DNAH3: variants seen among roughly 807,000 people sequenced by gnomAD.
DNAH3 encodes dynein axonemal heavy chain 3.
A neutral mutation model predicts 432.5 loss-of-function variants in DNAH3; 332 were observed. That is an observed-to-expected ratio of 0.77 (90% CI 0.70 to 0.84). DNAH3 has a LOEUF of 0.84. Ranked by LOEUF, DNAH3 falls within the 40% of genes least tolerant of loss-of-function variation. DNAH3 has a pLI of 0.00. For synonymous variants in DNAH3, 1,956 were observed against 1,900.2 expected (o/e 1.03, Z -0.76); for missense variants, 4,861 against 5,114.0 (o/e 0.95, Z 1.51).
intron 1 of DNAH3, chr16:21,158,439 G>A (rs2092914437): frequency 6.6e-6 from 1 of 152,446 alleles, no homozygotes; most frequent in African/African-American, 2.4e-5. Context: ...GACACTCTCT[G>A]AGCCTCAGTT....
chr16:20,985,766 G>A, intron 47 of DNAH3, 51 bp from the exon 48 acceptor site: 1 of 1,572,360 alleles, frequency 6.4e-7, no homozygotes, highest in Non-Finnish European at 8.7e-7. Context: ...GCCCAGCCAG[G>A]CTGGTAGGGA....
intron 43 of DNAH3, among the ~76,000 whole-genome samples, chr16:20,998,779 A>T (rs558565533): frequency 2.8e-5 from 4 of 142,526 alleles, no homozygotes; most frequent in South Asian, 4.7e-4. Flanking sequence ...GGGCTCCTTT[A>T]GTTTTTCTTC....
exon 7 of DNAH3, chr16:21,134,377 C>T (rs1002186850): frequency 1.6e-5 from 26 of 1,614,116 alleles, no homozygotes; most frequent in Non-Finnish European, 1.9e-5. Flanking sequence ...GCCCGGATCA[C>T]TCTTTGAGGA....
At chr16:21,151,741 T>A (rs2092854900) in intron 1 of DNAH3, among the ~76,000 whole-genome samples, 1 of 152,136 alleles carries the variant, frequency 6.6e-6, no homozygotes, top group Non-Finnish European at 1.5e-5. Context: ...CAGAAATACA[T>A]GTGCACATAC....
exon 37 of DNAH3, chr16:21,031,055 T>C (rs2088842924): frequency 6.2e-7 from 1 of 1,614,178 alleles, no homozygotes; most frequent in East Asian, 2.2e-5. Flanking sequence ...CTTTTTATTG[T>C]CATCCAGAAC....
intron 59 of DNAH3, among the ~76,000 whole-genome samples, chr16:20,939,542 G>A (rs562340945): frequency 2.0e-5 from 3 of 151,872 alleles, no homozygotes; most frequent in African/African-American, 4.8e-5. Flanking sequence ...AACCTGGGAG[G>A]TGGAGGTCGC....
At chr16:20,979,376 T>C in exon 50 of DNAH3, 1 of 1,614,128 alleles carries the variant, frequency 6.2e-7, no homozygotes, top group Non-Finnish European at 8.5e-7. Flanking sequence ...CAGGTAGCGG[T>C]TCCTCATCAT....
chr16:21,117,612 C>T (rs79699169), intron 11 of DNAH3, among the ~76,000 whole-genome samples: 5,540 of 152,254 alleles, frequency 0.036, 345 homozygotes, highest in African/African-American at 0.12. Context: ...CGCCCCACAA[C>T]GCTCCAGTGG....
intron 1 of DNAH3, among the ~76,000 whole-genome samples, chr16:21,153,085 C>A (rs968663249): frequency 2.0e-5 from 3 of 152,212 alleles, no homozygotes; most frequent in Non-Finnish European, 4.4e-5. Flanking sequence ...ACGTGGAGAA[C>A]CTTTATGGCT....
intron 59 of DNAH3, among the ~76,000 whole-genome samples, chr16:20,939,674 T>G (rs992805777): frequency 6.7e-6 from 1 of 149,892 alleles, no homozygotes; most frequent in Admixed American, 6.6e-5. Flanking sequence ...CAAATAACAC[T>G]CCTCCAGTCC....
chr16:20,985,598 G>A (rs1567584971), exon 48 of DNAH3: 1 of 1,614,194 alleles, frequency 6.2e-7, no homozygotes, highest in Non-Finnish European at 8.5e-7. Flanking sequence ...AGCTGTTTCA[G>A]GTCAGTGATC....
intron 39 of DNAH3, among the ~76,000 whole-genome samples, chr16:21,022,573 C>T (rs1260270015): frequency 6.6e-6 from 1 of 152,092 alleles, no homozygotes; most frequent in African/African-American, 2.4e-5. Flanking sequence ...TAATTTACCA[C>T]ACGTATGGGT....
chr16:21,123,200 TG>T (rs1294465338), intron 9 of DNAH3, among the ~76,000 whole-genome samples: 7 of 151,738 alleles, frequency 4.6e-5, no homozygotes, highest in African/African-American at 1.7e-4. Context: ...ATGTCAACCT[TG>T]CTACAACAGA....
chr16:20,936,179 G>A (rs1596852000), intron 60 of DNAH3, among the ~76,000 whole-genome samples: 1 of 151,126 alleles, frequency 6.6e-6, no homozygotes, highest in East Asian at 1.9e-4. Flanking sequence ...TTTAGACGGA[G>A]TCTTGCTCTG....
At chr16:20,945,671 T>C (rs2084013800) in intron 57 of DNAH3, among the ~76,000 whole-genome samples, 1 of 152,152 alleles carries the variant, frequency 6.6e-6, no homozygotes, top group Non-Finnish European at 1.5e-5. Context: ...TTTGTATTTT[T>C]AGTAGCGACG....
At chr16:21,027,798 G>C (rs1173726783) in intron 37 of DNAH3, among the ~76,000 whole-genome samples, 1 of 152,230 alleles carries the variant, frequency 6.6e-6, no homozygotes, top group Non-Finnish European at 1.5e-5. Flanking sequence ...CTCAGATGAA[G>C]AATCGAGAAG....
In DNAH3 at chr16:21,121,912, T is replaced by C. The variant is rs548196721; in HGVS notation, c.1584+33A>G. The C allele has an allele frequency of 2.6e-6, 4 of 1,552,854 alleles. No individual in the cohort carries two copies. The African/African-American group carries it at 4.1e-5, about 16-fold the overall frequency. ...ACATTTTATTCACTAAGTGAAAAAATCATGCAAATGAATGATTAAGTGACT... is the reference window on the plus strand; with the variant it reads ...ACATTTTATTCACTAAGTGAAAAAACCATGCAAATGAATGATTAAGTGACT... On this transcript the variant is annotated intron_variant, in intron 10 of 61. Transcript: ENST00000261383.
In DNAH3 at chr16:20,965,388, CT is replaced by C; in HGVS notation, c.8495del (p.Lys2832ArgfsTer6). The stretch of plus-strand genomic sequence containing the variant: ...CCAAGAATTTCAGATCCCCAAGAAT[CT>C]TTTTGGATACCCCCCAGTAATCTTC... On this transcript the variant is annotated frameshift_variant, in exon 53 of 62. Transcript: ENST00000261383. LOFTEE classifies it high-confidence loss of function. The C allele has an allele frequency of 6.5e-7, 1 of 1,534,250 alleles. No homozygotes were observed. The highest frequency in any genetic ancestry group is 8.8e-7 in the Non-Finnish European group (1 of 1,140,478).
At chr16:21,026,997 C>A (rs753710024) in intron 38 of DNAH3, 30 bp downstream of exon 38, 9 of 1,533,826 alleles carry the variant, frequency 5.9e-6, no homozygotes, top group East Asian at 2.3e-5. Flanking sequence ...GCCACACTGT[C>A]CCCCGGGGTG....
Sources: allele counts gnomAD v4.1 joint callset (sites outside exome capture counted in the v4.1 genomes callset), GRCh38; gene constraint gnomAD v4.1.1; transcripts MANE v1.5; gene names NCBI Gene and HGNC (gene_info 2026-07-23, HGNC 2026-07-21).